Variants in KREMEN2 observed in about 807,000 individuals in gnomAD.
The protein encoded by KREMEN2 is kringle containing transmembrane protein 2, also known as kremen protein 2.
In KREMEN2, 43 loss-of-function variants were observed where a neutral mutation model predicts 49.8. The observed-to-expected ratio is 0.86, with a 90% CI of 0.68 to 1.11. The LOEUF (loss-of-function observed/expected upper bound fraction) is 1.11. Among genes scored for constraint, KREMEN2 ranks in the 50% most tolerant of loss-of-function variants. The pLI is 0.00. For missense variants in KREMEN2, 686 were observed against 665.7 expected (o/e 1.03, Z -0.34); for synonymous variants, 355 against 304.9 (o/e 1.16, Z -1.71).
intron 8 of KREMEN2, 25 bp downstream of exon 8, chr16:2,967,629 G>T (rs1388327049): frequency 1.2e-5 from 18 of 1,532,768 alleles, no homozygotes; most frequent in Non-Finnish European, 1.6e-5. Flanking sequence ...GGCAGGGCCT[G>T]AGGGCGGACC....
rs2071868442 is a variant in KREMEN2 at position 2,967,829 on chromosome 16, G to A, written c.1198G>A (p.Gly400Arg). The A allele has an allele frequency of 6.4e-7, 1 of 1,550,856 alleles. No homozygotes were observed. Among genetic ancestry groups the A allele is most frequent in the Non-Finnish European group, 8.7e-7 (1 of 1,147,416 alleles). ...LRRRSCLLAP[G>R]KGPPALGASR... Reference sequence around the variant, plus strand: ...CTCTAGGAGCTGTCTGCTGGCTCCGGGAAAAGGGCCCCCGGCGCTGGGGGC... The same window carrying A: ...CTCTAGGAGCTGTCTGCTGGCTCCGAGAAAAGGGCCCCCGGCGCTGGGGGC... The change falls in exon 9 of 9, where the codon GGA (glycine) becomes AGA (arginine). Residue 400 changes from glycine to arginine, a missense_variant. Transcript: ENST00000303746.
chr16:2,965,216 C>T (rs1389672579), intron 2 of KREMEN2, among the ~76,000 whole-genome samples, 183 bp downstream of exon 2: 1 of 152,028 alleles, frequency 6.6e-6, no homozygotes, highest in Non-Finnish European at 1.5e-5. Context: ...GCGCGGAACC[C>T]TGGCGCAAAA....
chr16:2,967,155 C>T lies in KREMEN2; in HGVS notation c.886C>T (p.Pro296Ser). The T allele has an allele frequency of 7.2e-7, 1 of 1,386,310 alleles. No individual in the cohort carries two copies. 85.9% of individuals were successfully genotyped at this position (1,386,310 alleles called of 1,614,324 possible). Residue 296 changes from proline (P) to serine (S), a missense_variant, in exon 6 of 9, where the codon CCG (proline) becomes TCG (serine). By Grantham distance (74) the Pro-to-Ser change is moderately conservative. Transcript: ENST00000303746. Reference protein sequence around the residue: ...FDGARPPPSGPLRLGTAALLL... With the variant: ...FDGARPPPSGSLRLGTAALLL... ...TGGCGCCCGCCCACCGCCGTCCGGGCCGCTGCGCCTGGGCACTGCCGCGCT... is the reference window on the plus strand; with the variant it reads ...TGGCGCCCGCCCACCGCCGTCCGGGTCGCTGCGCCTGGGCACTGCCGCGCT...
In KREMEN2 at chr16:2,967,366, C is replaced by G; in HGVS notation, c.1020C>G (p.Ala340=). The change falls in exon 7 of 9, where the codon GCC becomes GCG. Residue 340 remains alanine, a synonymous_variant. Transcript: ENST00000303746. ...ACCCAGAGGCCCCCGAGGGCTCGGC[C>G]CAGACCCCCGCGGCGCCCCTCGACG... ...AEDPEAPEGS[A]QTPAAPLDGA... The G allele has an allele frequency of 7.1e-7, 1 of 1,404,768 alleles. No individual in the cohort carries two copies. The highest frequency in any genetic ancestry group is 9.2e-7 in the Non-Finnish European group (1 of 1,091,140). The allele number at this position is 1,404,768 out of a possible 1,614,324, so 87.0% of individuals were successfully genotyped here.
Position 2,967,232 on chromosome 16 carries a change from C to T in KREMEN2, c.963C>T (p.Leu321=). The change falls in exon 6 of 9, where the codon CTC becomes CTT. Residue 321 remains leucine, a synonymous_variant. Transcript: ENST00000303746. ...DARGHAQGFA[L]TYRGLQDAAE... ...GCGGCCACGCGCAAGGCTTCGCGCTCACCTACCGCGGTGAGCCTCAGCTCG... is the reference window on the plus strand; with the variant it reads ...GCGGCCACGCGCAAGGCTTCGCGCTTACCTACCGCGGTGAGCCTCAGCTCG... 1 of 1,354,622 alleles carries T rather than the reference C, an allele frequency of 7.4e-7. No homozygotes were observed. The highest frequency in any genetic ancestry group is 9.4e-7 in the Non-Finnish European group (1 of 1,062,348). 83.9% of individuals were successfully genotyped at this position (1,354,622 alleles called of 1,614,324 possible).
At position 2,967,994 on chromosome 16, in the gene KREMEN2, C is replaced by G. The variant is rs1291734978; in HGVS notation, c.1363C>G (p.Leu455Val). The G allele has an allele frequency of 1.3e-6, 2 of 1,573,084 alleles. No individual in the cohort carries two copies. Among genetic ancestry groups the G allele is most frequent in the Non-Finnish European group, 1.7e-6 (2 of 1,165,554 alleles). ...TCTGAGTGCCTCCAGCCAGAGCTCC[C>G]TGCGCTCGCTCATCTCCGCTCTCTG... ...RPLSASSQSS[L>V]RSLISAL Residue 455 changes from leucine to valine, a missense_variant, in exon 9 of 9, where the codon CTG becomes GTG. Transcript: ENST00000303746.
chr16:2,965,074 C>A, intron 2 of KREMEN2, 41 bp downstream of exon 2: 1 of 1,449,432 alleles, frequency 6.9e-7, no homozygotes, highest in Non-Finnish European at 9.1e-7. Context: ...GCTGGGCTCA[C>A]CATTGCAGGG....
Position 2,968,077 on chromosome 16 carries a change from C to T in KREMEN2, c.*57C>T. On this transcript the variant is annotated 3_prime_UTR_variant, in exon 9 of 9. Coordinates refer to ENST00000303746, the MANE Select transcript of KREMEN2 (RefSeq NM_172229.3). ...GCCGGCGAGATGGACACCTGAGATG[C>T]TGTGCTGCGCCCTGCCTCGGCCTTG... 3 of 1,477,430 alleles carry T rather than the reference C, an allele frequency of 2.0e-6. No individual in the cohort carries two copies. The highest frequency in any genetic ancestry group is 2.7e-6 in the Non-Finnish European group (3 of 1,094,954). 91.5% of individuals were successfully genotyped at this position (1,477,430 alleles called of 1,614,324 possible). A position where few individuals can be genotyped will look rare whatever the true frequency, so the allele number is the denominator to read the frequency against.
intron 1 of KREMEN2, 95 bp downstream of exon 1, chr16:2,964,709 G>A (rs1410800930): frequency 7.2e-7 from 1 of 1,390,694 alleles, no homozygotes; most frequent in East Asian, 2.5e-5. Context: ...GGGGGACAGA[G>A]CAGGTGGCCG....
chr16:2,966,163 C>T lies in KREMEN2; in HGVS notation c.293C>T (p.Pro98Leu). Residue 98 changes from proline to leucine, a missense_variant, in exon 3 of 9, where the codon CCG (proline) becomes CTG (leucine). Coordinates refer to ENST00000303746, the MANE Select transcript of KREMEN2 (RefSeq NM_172229.3). This position sits in a 1 kb window ranked among gnomAD's most constrained non-coding sequence, Gnocchi z 8.4. ...FCRNPDGDVQ[P>L]WCYVAETEEG... ...AGTAACCCAGACGGTGACGTGCAGC[C>T]GTGGTGCTACGTGGCTGAGACAGAG... The T allele has an allele frequency of 2.5e-6, 4 of 1,612,392 alleles. No homozygotes were observed. Among genetic ancestry groups the T allele is most frequent in the Non-Finnish European group, 3.4e-6 (4 of 1,179,992 alleles).
rs1406307053 is a variant in KREMEN2, at chr16:2,968,110, G to A, written c.*90G>A. On this transcript the variant is annotated 3_prime_UTR_variant, in exon 9 of 9. Coordinates refer to ENST00000303746, the MANE Select transcript of KREMEN2 (RefSeq NM_172229.3). ...CGCCCTGCCTCGGCCTTGCGCCTGTGTAGGGGCAGCTCGGCCTCTGGTCGC... is the reference window on the plus strand; with the variant it reads ...CGCCCTGCCTCGGCCTTGCGCCTGTATAGGGGCAGCTCGGCCTCTGGTCGC... 4.5e-6 allele frequency: 6 copies of A among 1,339,404 alleles called. No homozygotes were observed. The highest frequency in any genetic ancestry group is 2.5e-5 in the South Asian group (2 of 80,054). 83.0% of individuals were successfully genotyped at this position (1,339,404 alleles called of 1,614,324 possible).
At position 2,966,615 on chromosome 16, in the gene KREMEN2, C is replaced by T; in HGVS notation, c.487-27C>T. On this transcript the variant is annotated intron_variant, in intron 4 of 8. Transcript: ENST00000303746. This position sits in a 1 kb window ranked among gnomAD's most constrained non-coding sequence, Gnocchi z 8.4. ...CTTCACCCCTACCCCAGCCCCTGCC[C>T]TGGGGTCACCCAGTCTGTGCTCCCA... The T allele has an allele frequency of 6.2e-7, 1 of 1,604,620 alleles. No homozygotes were observed. The highest frequency in any genetic ancestry group is 8.5e-7 in the Non-Finnish European group (1 of 1,178,806).
chr16:2,967,609 G>T lies in KREMEN2; in HGVS notation c.1178+5G>T. On this transcript the variant is annotated splice_donor_5th_base_variant and intron_variant, in intron 8 of 8. Coordinates refer to ENST00000303746, the MANE Select transcript of KREMEN2 (RefSeq NM_172229.3). ...GCTGCGTCCGCTGCGCCGACGGTGC[G>T]GGGCGCTGGGGCAGGGCCTGAGGGC... The T allele has an allele frequency of 6.5e-7, 1 of 1,528,732 alleles. No individual in the cohort carries two copies. Among genetic ancestry groups the T allele is most frequent in the South Asian group, 1.2e-5 (1 of 83,014 alleles). 94.7% of individuals were successfully genotyped at this position (1,528,732 alleles called of 1,614,324 possible).
In KREMEN2 at chr16:2,964,533, G is replaced by T; in HGVS notation, c.13G>T (p.Ala5Ser). The T allele has an allele frequency of 6.3e-7, 1 of 1,595,722 alleles. No individual in the cohort carries two copies. The highest frequency in any genetic ancestry group is 8.5e-7 in the Non-Finnish European group (1 of 1,171,716). The change falls in exon 1 of 9, where the codon GCC becomes TCC. Residue 5 changes from alanine (A) to serine (S), a missense_variant. Physicochemically the swap from Ala to Ser is moderately conservative, Grantham distance 99 (BLOSUM62 1). Transcript: ENST00000303746. MGTQ[A>S]LQGFLFLLFL... is the part of the protein sequence containing the mutation. ...TTGGTTGAGAGCGATGGGGACACAA[G>T]CCCTGCAGGGCTTCCTCTTTCTCCT...
In KREMEN2 at chr16:2,967,000, A is replaced by G. The variant is rs1164212222; in HGVS notation, c.731A>G (p.Asn244Ser). Residue 244 changes from asparagine to serine, a missense_variant, in exon 6 of 9, where the codon AAC (asparagine) becomes AGC (serine). By Grantham distance (46) the Asn-to-Ser change is conservative (BLOSUM62 1). Transcript: ENST00000303746. This position sits in a 1 kb window ranked among gnomAD's most constrained non-coding sequence, Gnocchi z 8.4. ...DFPDEYGPDR[N>S]CSWALGPPGA... is the part of the protein sequence containing the mutation. ...CCGGACGAGTACGGGCCGGACCGGA[A>G]CTGCAGCTGGGCCCTGGGCCCGCCA... 6.4e-6 allele frequency: 10 copies of G among 1,551,798 alleles called. No individual in the cohort carries two copies. Among genetic ancestry groups the G allele is most frequent in the Non-Finnish European group, 8.7e-6 (10 of 1,148,000 alleles).
At position 2,967,019 on chromosome 16, in the gene KREMEN2, C is replaced by T; in HGVS notation, c.750C>T (p.Gly250=). 1.3e-6 allele frequency: 2 copies of T among 1,546,518 alleles called. No individual in the cohort carries two copies. Reference sequence around the variant, plus strand: ...ACCGGAACTGCAGCTGGGCCCTGGGCCCGCCAGGCGCCGCGCTGGAGCTCA... The same window carrying T: ...ACCGGAACTGCAGCTGGGCCCTGGGTCCGCCAGGCGCCGCGCTGGAGCTCA... ...GPDRNCSWAL[G]PPGAALELTF... is the part of the protein sequence containing the mutation. The change falls in exon 6 of 9, where the codon GGC becomes GGT. Residue 250 remains glycine (G), a synonymous_variant. Coordinates refer to ENST00000303746, the MANE Select transcript of KREMEN2 (RefSeq NM_172229.3).
Position 2,966,746 on chromosome 16 carries a change from C to T in KREMEN2, c.591C>T (p.Gly197=), listed in dbSNP as rs1289069728. The change falls in exon 5 of 9, where the codon GGC becomes GGT. Residue 197 remains glycine, a synonymous_variant. Coordinates refer to ENST00000303746, the MANE Select transcript of KREMEN2 (RefSeq NM_172229.3). This position sits in a 1 kb window ranked among gnomAD's most constrained non-coding sequence, Gnocchi z 8.4. ...CCGACTGTGACCAGATCTGTTTCGGCCACCCTGGACAGCTGTGTGGCGGCG... is the reference window on the plus strand; with the variant it reads ...CCGACTGTGACCAGATCTGTTTCGGTCACCCTGGACAGCTGTGTGGCGGCG... ...PATDCDQICF[G]HPGQLCGGDG... 3 of 1,612,024 alleles carry T rather than the reference C, an allele frequency of 1.9e-6. No homozygotes were observed. The highest frequency in any genetic ancestry group is 1.7e-5 in the Admixed American group (1 of 60,010).
Position 2,964,479 on chromosome 16 carries a change from G to T in KREMEN2, c.-42G>T. On this transcript the variant is annotated 5_prime_UTR_variant, in exon 1 of 9. Coordinates refer to ENST00000303746, the MANE Select transcript of KREMEN2 (RefSeq NM_172229.3). ...CCGAAGCGACCCCGGGGGCAGCCCGGGCCGTGTCCGGGCGAGGGTGACCTA... is the reference window on the plus strand; with the variant it reads ...CCGAAGCGACCCCGGGGGCAGCCCGTGCCGTGTCCGGGCGAGGGTGACCTA... 1.4e-6 allele frequency: 2 copies of T among 1,463,128 alleles called. No homozygotes were observed. Among genetic ancestry groups the T allele is most frequent in the South Asian group, 1.3e-5 (1 of 74,446 alleles). The allele number at this position is 1,463,128 out of a possible 1,614,324, so 90.6% of individuals were successfully genotyped here. A position where few individuals can be genotyped will look rare whatever the true frequency, so the allele number is the denominator to read the frequency against.
chr16:2,964,830 C>T (rs749673653), intron 1 of KREMEN2, 29 bp from the exon 2 acceptor site: 14 of 1,605,544 alleles, frequency 8.7e-6, no homozygotes, highest in African/African-American at 4.0e-5. Flanking sequence ...TGGGTCCGGA[C>T]CTCCCCAGGC....
Sources: allele counts gnomAD v4.1 joint callset (sites outside exome capture counted in the v4.1 genomes callset), GRCh38; gene constraint gnomAD v4.1.1; non-coding constraint Gnocchi (gnomAD v3.1); transcripts MANE v1.5; gene names NCBI Gene and HGNC (gene_info 2026-07-23, HGNC 2026-07-21).